The following KLHL32 variants were observed in gnomAD, a reference collection of about 807,000 sequenced individuals.
The protein encoded by KLHL32 is kelch like family member 32, also known as kelch-like protein 32.
KLHL32 carries 35 observed loss-of-function variants against 64.8 expected under a neutral mutation model. That is an observed-to-expected ratio of 0.54 (90% confidence interval 0.41 to 0.72). The LOEUF (loss-of-function observed/expected upper bound fraction) is 0.72. Ranked by LOEUF, KLHL32 falls within the 30% of genes least tolerant of loss-of-function variation. KLHL32 has a pLI of 0.00. For synonymous variants in KLHL32, 259 were observed against 281.0 expected (o/e 0.92, Z 0.78); for missense variants, 589 against 768.5 (o/e 0.77, Z 2.76).
intron 7 of KLHL32, among the ~76,000 whole-genome samples, chr6:97,124,526 T>C (rs541717354): frequency 6.6e-6 from 1 of 152,302 alleles, no homozygotes; most frequent in South Asian, 2.1e-4. Context: ...TTCTAATCCA[T>C]TGGTTGTATG....
At chr6:96,934,529 A>C (rs1442654108) in intron 1 of KLHL32, among the ~76,000 whole-genome samples, 1 of 152,248 alleles carries the variant, frequency 6.6e-6, no homozygotes, top group Admixed American at 6.5e-5. Flanking sequence ...TTTAAACAAC[A>C]CAAACAATTC....
chr6:97,075,007 C>T (rs1427574557), intron 5 of KLHL32, among the ~76,000 whole-genome samples: 5 of 151,994 alleles, frequency 3.3e-5, no homozygotes, highest in Admixed American at 1.3e-4. Flanking sequence ...TTATTGTTGA[C>T]GGCTATGTTT....
intron 6 of KLHL32, among the ~76,000 whole-genome samples, chr6:97,112,432 T>A (rs1052500284): frequency 6.6e-6 from 1 of 152,114 alleles, no homozygotes; most frequent in Non-Finnish European, 1.5e-5. Context: ...AAATGAATTG[T>A]GGTTTTTTCA....
chr6:97,046,541 C>T (rs1785955435), intron 4 of KLHL32, among the ~76,000 whole-genome samples: 1 of 152,120 alleles, frequency 6.6e-6, no homozygotes, highest in Non-Finnish European at 1.5e-5. Flanking sequence ...CTTGTTCTCC[C>T]TATGTGATCA....
At chr6:96,945,810 T>C (rs1484193592) in intron 1 of KLHL32, among the ~76,000 whole-genome samples, 1 of 152,048 alleles carries the variant, frequency 6.6e-6, no homozygotes, top group Non-Finnish European at 1.5e-5. Flanking sequence ...CTGGGCCCCG[T>C]TGGTGTCTAC....
intron 5 of KLHL32, among the ~76,000 whole-genome samples, chr6:97,073,355 ACTTT>A (rs1178280556): frequency 6.6e-6 from 1 of 152,180 alleles, no homozygotes; most frequent in Non-Finnish European, 1.5e-5. Context: ...ATGAACCGTC[ACTTT>A]CTTTCTGCCT....
intron 1 of KLHL32, among the ~76,000 whole-genome samples, chr6:96,934,243 T>C (rs573357434): frequency 6.6e-6 from 1 of 152,352 alleles, no homozygotes; most frequent in South Asian, 2.1e-4. Flanking sequence ...CTGGATCTTC[T>C]ATACTTACTG....
At chr6:97,102,347 G>A (rs776965855) in intron 6 of KLHL32, among the ~76,000 whole-genome samples, 16 of 152,162 alleles carry the variant, frequency 1.1e-4, no homozygotes, top group Non-Finnish European at 2.4e-4. Context: ...TGACCCACAT[G>A]AGGTCACTCT....
At chr6:97,130,625 A>G (rs1419604334) in intron 8 of KLHL32, 132 bp from the exon 9 acceptor site, 3 of 636,954 alleles carry the variant, frequency 4.7e-6, no homozygotes, top group East Asian at 5.6e-5. Context: ...ATATATATAA[A>G]CAACATTCAA....
intron 3 of KLHL32, among the ~76,000 whole-genome samples, chr6:96,991,923 G>T (rs1256143488): frequency 6.6e-6 from 1 of 152,010 alleles, no homozygotes; most frequent in Non-Finnish European, 1.5e-5. Flanking sequence ...TGTGCTGGGG[G>T]TCTATGATAG....
chr6:97,033,289 G>C (rs944662342), intron 3 of KLHL32, among the ~76,000 whole-genome samples: 1 of 152,078 alleles, frequency 6.6e-6, no homozygotes, highest in South Asian at 2.1e-4. Context: ...GTCTTTCTGT[G>C]TCTAGTTTAT....
At chr6:97,080,680 G>C (rs1027374491) in intron 5 of KLHL32, among the ~76,000 whole-genome samples, 1 of 152,214 alleles carries the variant, frequency 6.6e-6, no homozygotes, top group African/African-American at 2.4e-5. Context: ...AACGTACCTG[G>C]CATTGTTCTA....
chr6:97,064,145 A>G (rs1201441258), intron 4 of KLHL32, among the ~76,000 whole-genome samples: 2 of 152,204 alleles, frequency 1.3e-5, no homozygotes, highest in Non-Finnish European at 2.9e-5. Flanking sequence ...CTTAGAAGTA[A>G]AATGGACTAA....
the KLHL32 span, among the ~76,000 whole-genome samples, chr6:96,916,870 A>G: frequency 6.6e-6 from 1 of 152,192 alleles, no homozygotes; most frequent in Non-Finnish European, 1.5e-5. Flanking sequence ...GGTGCTCATC[A>G]TAAAGGAACT....
intron 6 of KLHL32, among the ~76,000 whole-genome samples, chr6:97,105,790 A>C (rs1796333591): frequency 6.6e-6 from 1 of 152,186 alleles, no homozygotes; most frequent in African/African-American, 2.4e-5. Context: ...TGTTACTTTT[A>C]GACAATGACA....
chr6:97,052,733 GAGA>G (rs1787139310), intron 4 of KLHL32, among the ~76,000 whole-genome samples: 1 of 152,188 alleles, frequency 6.6e-6, no homozygotes, highest in Non-Finnish European at 1.5e-5. Flanking sequence ...TGACTCGATT[GAGA>G]AGGACTTCTT....
intron 2 of KLHL32, among the ~76,000 whole-genome samples, chr6:96,973,519 T>G (rs1289296770): frequency 1.3e-5 from 2 of 152,190 alleles, no homozygotes; most frequent in Non-Finnish European, 2.9e-5. Context: ...TAGAATCTAT[T>G]TTCCATCCCA....
At chr6:96,950,692 T>A (rs1440971657) in intron 1 of KLHL32, among the ~76,000 whole-genome samples, 1 of 152,214 alleles carries the variant, frequency 6.6e-6, no homozygotes, top group Non-Finnish European at 1.5e-5. Flanking sequence ...TGGCCAGATG[T>A]ATTTTCATGG....
intron 1 of KLHL32, among the ~76,000 whole-genome samples, chr6:96,926,104 A>C (rs1244443312): frequency 3.3e-5 from 5 of 152,236 alleles, no homozygotes; most frequent in African/African-American, 1.2e-4. Context: ...ACTTGAAGGC[A>C]TCAGCAATCC....
Sources: gnomAD v4.1 joint callset for allele counts (sites outside exome capture counted in the v4.1 genomes callset) on GRCh38, gnomAD v4.1.1 for gene constraint, MANE v1.5 for transcripts, NCBI Gene and HGNC (gene_info 2026-07-23, HGNC 2026-07-21) for gene names.